Variants in SENP7 observed in about 807,000 individuals in gnomAD.
SENP7 encodes the protein sentrin-specific protease 7.
In SENP7, 64 loss-of-function variants were observed where a neutral mutation model predicts 141.2. The ratio of observed to expected loss-of-function variants is 0.45; its 90% CI spans 0.37 to 0.56. The LOEUF is 0.56. Among genes scored for constraint, SENP7 ranks in the 20% least tolerant of loss-of-function variants. The probability of loss-of-function intolerance (pLI) is 0.00; values close to 1 mark genes in which losing one functional copy is unlikely to be tolerated. For missense variants in SENP7, 1,025 were observed against 1,212.2 expected (o/e 0.85, Z 2.29); for synonymous variants, 382 against 426.4 (o/e 0.90, Z 1.28).
intron 3 of SENP7, among the ~76,000 whole-genome samples, chr3:101,465,557 C>CA (rs772240837): frequency 2.6e-5 from 4 of 152,056 alleles, no homozygotes; most frequent in Non-Finnish European, 4.4e-5. Context: ...AGTTACAATC[C>CA]AAAAAATCAT....
intron 5 of SENP7, among the ~76,000 whole-genome samples, chr3:101,410,885 T>TAAAAG (rs2061439028): frequency 6.6e-6 from 1 of 151,384 alleles, no homozygotes; most frequent in Non-Finnish European, 1.5e-5. Flanking sequence ...TAAAATAAAA[T>TAAAAG]AAAAGAATTA....
chr3:101,357,757 C>T lies in SENP7; in HGVS notation c.1623+3958G>A. The T allele has an allele frequency of 9.4e-6, 6 of 639,070 alleles. No homozygotes were observed. In the South Asian group the frequency reaches 9.9e-5, roughly 11 times the overall value. 39.6% of individuals were successfully genotyped at this position (639,070 alleles called of 1,614,324 possible). On this transcript the variant is annotated intron_variant, in intron 11 of 23. Coordinates refer to ENST00000394095, the MANE Select transcript of SENP7 (RefSeq NM_020654.5). ...GACATAAGACATACTGGAAAAAAAA[C>T]TTTTAAATGTAAAGAATGAGGCAAA...
intron 7 of SENP7, among the ~76,000 whole-genome samples, chr3:101,368,379 T>C (rs996813718): frequency 4.0e-5 from 6 of 151,082 alleles, no homozygotes; most frequent in African/African-American, 1.5e-4. Flanking sequence ...ATATACACCA[T>C]GGAATACTAT....
At chr3:101,365,652 A>G (rs2107383131) in intron 9 of SENP7, among the ~76,000 whole-genome samples, 1 of 151,674 alleles carries the variant, frequency 6.6e-6, no homozygotes, top group East Asian at 1.9e-4. Context: ...AAAAAAAAAA[A>G]AAAAAGAACT....
chr3:101,341,057 A>G (rs1039002485), intron 15 of SENP7, among the ~76,000 whole-genome samples: 4 of 152,204 alleles, frequency 2.6e-5, no homozygotes, highest in East Asian at 1.9e-4. Flanking sequence ...AAAACTGTAA[A>G]TTTAAAGTGC....
intron 6 of SENP7, among the ~76,000 whole-genome samples, chr3:101,382,332 G>A (rs900218295): frequency 1.3e-5 from 2 of 151,948 alleles, no homozygotes. Context: ...ACACAGTACT[G>A]CACCTGACTA....
At chr3:101,441,237 T>C (rs2062659042) in intron 4 of SENP7, among the ~76,000 whole-genome samples, 1 of 152,172 alleles carries the variant, frequency 6.6e-6, no homozygotes, top group African/African-American at 2.4e-5. Context: ...GGCCCACTCA[T>C]TGCTGCCAGT....
At chr3:101,432,065 T>C (rs2062201085) in intron 4 of SENP7, among the ~76,000 whole-genome samples, 1 of 152,082 alleles carries the variant, frequency 6.6e-6, no homozygotes, top group South Asian at 2.1e-4. Flanking sequence ...CTCACTGCCC[T>C]AAAGGTTGAG....
chr3:101,411,795 G>GT (rs1407556552), intron 5 of SENP7, among the ~76,000 whole-genome samples: 1 of 152,180 alleles, frequency 6.6e-6, no homozygotes, highest in African/African-American at 2.4e-5. Context: ...AACAGTATCA[G>GT]TACGTAAGGT....
chr3:101,502,621 A>T (rs1288713283), intron 1 of SENP7, among the ~76,000 whole-genome samples: 2 of 137,342 alleles, frequency 1.5e-5, no homozygotes, highest in Non-Finnish European at 3.0e-5. Flanking sequence ...AAGAAAAAAG[A>T]AAAAAAAAAA....
intron 5 of SENP7, among the ~76,000 whole-genome samples, chr3:101,401,997 G>C (rs530803559): frequency 8.0e-4 from 86 of 107,702 alleles, no homozygotes; most frequent in African/African-American, 2.9e-3. Context: ...ATGAGACCCT[G>C]CCTCAAAAAA....
Position 101,471,762 on chromosome 3 carries a change from G to A in SENP7, c.187-12710C>T, listed in dbSNP as rs1185357099. 2.0e-5 allele frequency among the ~76,000 whole-genome samples: 3 copies of A among 152,128 alleles called. No homozygotes were observed. The East Asian group carries it at 5.8e-4, about 29-fold the overall frequency. On this transcript the variant is annotated intron_variant, in intron 3 of 23. Transcript: ENST00000394095. ...TTTTACAATCTACCCATCTGACACA[G>A]GGCTAATATCCAGAATCTACAAAGA...
intron 4 of SENP7, among the ~76,000 whole-genome samples, chr3:101,424,598 T>A (rs2061896750): frequency 6.6e-6 from 1 of 151,868 alleles, no homozygotes; most frequent in Admixed American, 6.6e-5. Flanking sequence ...CAACCACCCC[T>A]GCCTACAGCG....
At chr3:101,472,467 C>G (rs533327517) in intron 3 of SENP7, among the ~76,000 whole-genome samples, 9 of 152,184 alleles carry the variant, frequency 5.9e-5, no homozygotes, top group African/African-American at 1.9e-4. Flanking sequence ...CACTTGGACA[C>G]AGGGCGGGGA....
chr3:101,460,963 T>TAA (rs201797088), intron 3 of SENP7, among the ~76,000 whole-genome samples: 1 of 145,658 alleles, frequency 6.9e-6, no homozygotes, highest in Non-Finnish European at 1.5e-5. Flanking sequence ...ATTCAAAATT[T>TAA]AAAAAAAAAA....
chr3:101,496,578 CTT>C (rs368850019), intron 2 of SENP7, among the ~76,000 whole-genome samples: 17 of 133,214 alleles, frequency 1.3e-4, no homozygotes, highest in Admixed American at 1.5e-4. Flanking sequence ...ACTTCAAACA[CTT>C]TTTTTTTTTT....
At position 101,438,623 on chromosome 3, in the gene SENP7, T is replaced by G. The variant is rs115031947; in HGVS notation, c.284+20332A>C. Among the ~76,000 whole-genome samples, 882 of 152,328 alleles carry G rather than the reference T, an allele frequency of 5.8e-3. 6 individuals are homozygous for G. Among genetic ancestry groups the G allele is most frequent in the African/African-American group, 0.02 (848 of 41,576 alleles). ...AAAACTTTAGAGTCTTAAAATTCAT[T>G]TAGTACACTTGTCCAAAAGCATACA... On this transcript the variant is annotated intron_variant, in intron 4 of 23. Transcript: ENST00000394095.
chr3:101,404,513 G>A (rs1559776351), intron 5 of SENP7, among the ~76,000 whole-genome samples: 1 of 152,132 alleles, frequency 6.6e-6, no homozygotes, highest in East Asian at 1.9e-4. Flanking sequence ...GCAGGCACGG[G>A]CAAAGATTTC....
chr3:101,480,788 A>G (rs2064437367), intron 3 of SENP7, among the ~76,000 whole-genome samples: 1 of 152,168 alleles, frequency 6.6e-6, no homozygotes, highest in African/African-American at 2.4e-5. Flanking sequence ...CAACAAAAAC[A>G]ACAAATCCCG....
Sources: allele counts gnomAD v4.1 joint callset (sites outside exome capture counted in the v4.1 genomes callset), GRCh38; gene constraint gnomAD v4.1.1; transcripts MANE v1.5; gene names NCBI Gene and HGNC (gene_info 2026-07-23, HGNC 2026-07-21).